Variants in NRF1 observed in about 807,000 individuals in gnomAD.
NRF1 encodes the protein nuclear respiratory factor 1.
Under a neutral mutation model 58.5 loss-of-function variants are expected in NRF1, and 5 were observed. That is an observed-to-expected ratio of 0.09 (90% CI 0.04 to 0.18). The LOEUF is 0.18. NRF1 is among the 10% of genes least tolerant of loss of function. The pLI, the probability that NRF1 is intolerant of heterozygous loss-of-function variation, is 1.00. For missense variants in NRF1, 288 were observed against 657.7 expected (o/e 0.44, Z 6.15); for synonymous variants, 224 against 246.7 (o/e 0.91, Z 0.86).
chr7:129,663,347 G>A (rs1432980593), intron 2 of NRF1, among the ~76,000 whole-genome samples: 1 of 151,498 alleles, frequency 6.6e-6, no homozygotes, highest in Non-Finnish European at 1.5e-5. Context: ...GGGTGGCCGG[G>A]CAGAGGCGCA....
At chr7:129,721,638 C>T (rs1265672543) in intron 9 of NRF1, among the ~76,000 whole-genome samples, 1 of 151,942 alleles carries the variant, frequency 6.6e-6, no homozygotes, top group African/African-American at 2.4e-5. Flanking sequence ...CCCACCACCA[C>T]GCCCAGCTAA....
chr7:129,678,933 C>T (rs954026764), intron 4 of NRF1, among the ~76,000 whole-genome samples: 2 of 152,072 alleles, frequency 1.3e-5, no homozygotes, highest in African/African-American at 4.8e-5. Context: ...ACAGGATGCA[C>T]TAGACTGAGA....
chr7:129,738,756 A>G (rs1803780159), intron 10 of NRF1, among the ~76,000 whole-genome samples: 1 of 152,194 alleles, frequency 6.6e-6, no homozygotes, highest in Admixed American at 6.5e-5. Context: ...AGTAGAATAG[A>G]TCTTCTGAGC....
At chr7:129,696,306 C>A (rs1161661709) in intron 5 of NRF1, among the ~76,000 whole-genome samples, 2 of 152,070 alleles carry the variant, frequency 1.3e-5, no homozygotes, top group Non-Finnish European at 2.9e-5. Context: ...CTTTGTTTTA[C>A]GCAAAGATTA....
intron 4 of NRF1, 25 bp from the exon 5 acceptor site, chr7:129,690,381 T>G: frequency 6.2e-7 from 1 of 1,603,858 alleles, no homozygotes; most frequent in Non-Finnish European, 8.5e-7. Flanking sequence ...GCATCTTGTT[T>G]ACTTCTGCCC....
chr7:129,656,560 GT>G (rs201090639), intron 1 of NRF1, among the ~76,000 whole-genome samples: 8 of 150,280 alleles, frequency 5.3e-5, no homozygotes, highest in African/African-American at 9.8e-5. Flanking sequence ...AGTTTTTTGG[GT>G]TTTTTTTTGG....
chr7:129,719,144 TTA>T (rs1480973215), intron 9 of NRF1, among the ~76,000 whole-genome samples: 12 of 151,592 alleles, frequency 7.9e-5, no homozygotes, highest in Non-Finnish European at 2.9e-5. Context: ...TCTTTTTTTT[TTA>T]TTTGAAACGG....
chr7:129,753,979 T>G (rs1198505049), intron 10 of NRF1, among the ~76,000 whole-genome samples: 3 of 151,794 alleles, frequency 2.0e-5, no homozygotes, highest in South Asian at 2.1e-4. Context: ...TAGCCAAATA[T>G]CAAAGAAAAA....
At chr7:129,639,547 T>C (rs1436636745) in intron 1 of NRF1, among the ~76,000 whole-genome samples, 2 of 9,644 alleles carry the variant, frequency 2.1e-4, no homozygotes, top group East Asian at 3.0e-3. Flanking sequence ...CCACAACCCT[T>C]TTTTTTTTTT....
intron 10 of NRF1, among the ~76,000 whole-genome samples, chr7:129,748,274 C>CAAAA (rs10655886): frequency 0.022 from 1,682 of 77,302 alleles, 112 homozygotes; most frequent in South Asian, 0.045. Flanking sequence ...GACTCCGTCT[C>CAAAA]AAAAAAAAAA....
At chr7:129,664,236 G>C (rs1209952492) in intron 2 of NRF1, among the ~76,000 whole-genome samples, 1 of 152,188 alleles carries the variant, frequency 6.6e-6, no homozygotes, top group Non-Finnish European at 1.5e-5. Context: ...ATGACTTAAA[G>C]CTGGGCTACA....
Position 129,755,090 on chromosome 7 carries a change from A to G in NRF1, c.1421A>G (p.Gln474Arg). The G allele has an allele frequency of 1.2e-6, 2 of 1,613,998 alleles. No homozygotes were observed. Among genetic ancestry groups the G allele is most frequent in the Non-Finnish European group, 1.7e-6 (2 of 1,179,958 alleles). ...CTCGCCCAGGGCAACGGACCAGTGC[A>G]GGTGGCCATGGCCCCTGTGACCACC... ...TSLAQGNGPV[Q>R]VAMAPVTTRI... Residue 474 changes from glutamine to arginine, a missense_variant, in exon 11 of 11, where the codon CAG becomes CGG. By Grantham distance (43) the Gln-to-Arg change is conservative. This residue lies in a region of NRF1 where 212 missense variants were observed against 559.7 expected (regional missense o/e 0.38). Transcript: ENST00000393232. The surrounding 1 kb of genome is among the most constrained non-coding windows in gnomAD (Gnocchi z 5.8).
At chr7:129,725,896 A>C (rs186445193) in intron 9 of NRF1, among the ~76,000 whole-genome samples, 4 of 152,198 alleles carry the variant, frequency 2.6e-5, no homozygotes, top group African/African-American at 7.2e-5. Context: ...ACAGTGACCA[A>C]GAAGTCTTTT....
chr7:129,708,967 G>A (rs572810009), intron 5 of NRF1, 108 bp from the exon 6 acceptor site: 2 of 943,162 alleles, frequency 2.1e-6, no homozygotes, highest in South Asian at 3.9e-5. Flanking sequence ...AGAATTCTCT[G>A]GGACCTTCCT....
chr7:129,736,020 A>C (rs1803701260), intron 10 of NRF1, among the ~76,000 whole-genome samples: 1 of 152,064 alleles, frequency 6.6e-6, no homozygotes, highest in Non-Finnish European at 1.5e-5. Flanking sequence ...TAAATAAATA[A>C]AATACAAAAT....
intron 2 of NRF1, among the ~76,000 whole-genome samples, chr7:129,659,552 A>G (rs143397798): frequency 1.3e-4 from 20 of 152,290 alleles, no homozygotes; most frequent in African/African-American, 4.3e-4. Flanking sequence ...TTAAACTTCA[A>G]CCTTGAAGGA....
intron 10 of NRF1, chr7:129,744,053 G>A: frequency 2.4e-6 from 2 of 847,680 alleles, no homozygotes; most frequent in Non-Finnish European, 1.8e-6. Context: ...GAAGGAGCGA[G>A]GCTGTGCACC....
chr7:129,637,781 G>A (rs1291459081), intron 1 of NRF1, among the ~76,000 whole-genome samples: 1 of 152,038 alleles, frequency 6.6e-6, no homozygotes, highest in Non-Finnish European at 1.5e-5. Context: ...CCCACAAGCT[G>A]CATGCGGCCC....
rs185820366 is a variant in NRF1 at position 129,634,180 on chromosome 7, T to C, written c.-7+22356T>C. On this transcript the variant is annotated intron_variant, in intron 1 of 10. Coordinates refer to ENST00000393232, the MANE Select transcript of NRF1 (RefSeq NM_005011.5). ...CTCCTACCCATTTCCTTTATTAATA[T>C]CTTGCTGTTGTGTGGTAGATTTGTT... Among the ~76,000 whole-genome samples, 103 of 152,140 alleles carry C rather than the reference T, an allele frequency of 6.8e-4. 2 individuals carry two copies. Among genetic ancestry groups the C allele is most frequent in the Admixed American group, 3.9e-3 (59 of 15,262 alleles).
Sources: gnomAD v4.1 joint callset for allele counts (sites outside exome capture counted in the v4.1 genomes callset) on GRCh38, gnomAD v4.1.1 for gene constraint, gnomAD v4.1.1 regional missense constraint, Gnocchi (gnomAD v3.1) non-coding constraint, MANE v1.5 for transcripts, NCBI Gene and HGNC (gene_info 2026-07-23, HGNC 2026-07-21) for gene names.